Variants in DACH2 observed in about 807,000 individuals in gnomAD.
The protein encoded by DACH2 is dachshund homolog 2.
In DACH2, 17 loss-of-function variants were observed where a neutral mutation model predicts 35.8. That is an observed-to-expected ratio of 0.48 (90% CI 0.33 to 0.71). The LOEUF (loss-of-function observed/expected upper bound fraction) is 0.71. Among genes scored for constraint, DACH2 ranks in the 30% least tolerant of loss-of-function variants. DACH2 has a pLI of 0.02. For synonymous variants in DACH2, 195 were observed against 177.3 expected (o/e 1.10, Z -0.79); for missense variants, 469 against 472.7 (o/e 0.99, Z 0.07).
intron 2 of DACH2, among the ~76,000 whole-genome samples, chrX:86,491,763 A>G (rs2038096317): frequency 8.9e-6 from 1 of 111,832 alleles, no homozygotes; most frequent in Non-Finnish European, 1.9e-5. Flanking sequence ...GAATACTAAA[A>G]GCAGCAAAAC....
chrX:86,528,279 A>G (rs1043543803), intron 3 of DACH2, among the ~76,000 whole-genome samples: 1 of 112,163 alleles, frequency 8.9e-6, no homozygotes, highest in Non-Finnish European at 1.9e-5. Flanking sequence ...TGACTTTGTT[A>G]TAGTCACACA....
At chrX:86,562,900 A>T (rs781330403) in intron 3 of DACH2, among the ~76,000 whole-genome samples, 1 of 111,857 alleles carries the variant, frequency 8.9e-6, no homozygotes, top group Non-Finnish European at 1.9e-5. Context: ...TTACTTGGAA[A>T]CAGGTAGGTG....
chrX:86,680,146 C>G (rs1468695047), intron 4 of DACH2, among the ~76,000 whole-genome samples: 1 of 111,838 alleles, frequency 8.9e-6, no homozygotes, highest in Non-Finnish European at 1.9e-5. Context: ...TAAGATCAAT[C>G]TTTCTCCTCT....
intron 4 of DACH2, among the ~76,000 whole-genome samples, chrX:86,679,958 T>A (rs36009353): frequency 1.8e-5 from 2 of 110,520 alleles, no homozygotes; most frequent in Non-Finnish European, 3.8e-5. Flanking sequence ...GAATACCTAG[T>A]CTATTAGTGA....
chrX:86,543,267 A>C (rs1242864001), intron 3 of DACH2, among the ~76,000 whole-genome samples: 1 of 111,840 alleles, frequency 8.9e-6, no homozygotes, highest in Non-Finnish European at 1.9e-5. Flanking sequence ...TAGTCGACTG[A>C]ATCCACCTTA....
At chrX:86,607,751 C>G (rs868803406) in intron 3 of DACH2, among the ~76,000 whole-genome samples, 3 of 77,634 alleles carry the variant, frequency 3.9e-5, no homozygotes, top group Non-Finnish European at 7.2e-5. Context: ...CCCCTCCCCC[C>G]ACCCCACAAC....
intron 2 of DACH2, among the ~76,000 whole-genome samples, chrX:86,382,461 TACACACACACACACACACAC>T (rs55825336): frequency 1.1e-5 from 1 of 94,612 alleles, no homozygotes; most frequent in African/African-American, 4.0e-5. Context: ...GCTACATTCA[TACACACACACACACACACAC>T]ACACACACAC....
At chrX:86,492,427 A>G (rs936978181) in intron 2 of DACH2, among the ~76,000 whole-genome samples, 4 of 112,013 alleles carry the variant, frequency 3.6e-5, no homozygotes, top group African/African-American at 1.3e-4. Flanking sequence ...AAGTAAAAAT[A>G]CTTGAATATA....
intron 3 of DACH2, among the ~76,000 whole-genome samples, chrX:86,521,243 C>G (rs1602604485): frequency 9.0e-6 from 1 of 111,684 alleles, no homozygotes; most frequent in Admixed American, 9.5e-5. Context: ...TTCCTTCTGG[C>G]TTACAGGGTT....
At position 86,378,768 on chromosome X, in the gene DACH2, T is replaced by C. The variant is rs191345125; in HGVS notation, c.527+1906T>C. Reference sequence around the variant, plus strand: ...TTGCAAAAAGAATCACAGTTTGTTATAAATGCACCTGAAGCCTTTGATCAT... The same window carrying C: ...TTGCAAAAAGAATCACAGTTTGTTACAAATGCACCTGAAGCCTTTGATCAT... On this transcript the variant is annotated intron_variant, in intron 2 of 11. Coordinates refer to ENST00000373125, the MANE Select transcript of DACH2 (RefSeq NM_053281.3). 3.8e-3 allele frequency among the ~76,000 whole-genome samples: 423 copies of C among 110,969 alleles called. 1 individual carries two copies. The highest frequency in any genetic ancestry group is 0.013 in the African/African-American group (392 of 30,699).
At chrX:86,528,441 G>A (rs1477112002) in intron 3 of DACH2, among the ~76,000 whole-genome samples, 2 of 111,320 alleles carry the variant, frequency 1.8e-5, no homozygotes, top group African/African-American at 6.5e-5. Context: ...TTGGACTTAG[G>A]GTACTCTGGC....
chrX:86,195,487 G>A (rs1410889547), intron 1 of DACH2, among the ~76,000 whole-genome samples: 2 of 111,169 alleles, frequency 1.8e-5, no homozygotes, highest in African/African-American at 6.6e-5. Context: ...AGCAGGGGCT[G>A]CCTGCACCCC....
Position 86,412,677 on chromosome X carries a change from A to T in DACH2, c.527+35815A>T, listed in dbSNP as rs191349333. 2.7e-5 allele frequency among the ~76,000 whole-genome samples: 3 copies of T among 111,689 alleles called. No individual in the cohort carries two copies. In the East Asian group the frequency reaches 8.6e-4, roughly 32 times the overall value. On this transcript the variant is annotated intron_variant, in intron 2 of 11. Transcript: ENST00000373125. ...GTCCACGTATACTAGTCTTGGTAGA[A>T]GATGGCAGGGCCTTACTTCAAAATC...
rs185292512 is a variant in DACH2, at chrX:86,399,798, C to A, written c.527+22936C>A. Among the ~76,000 whole-genome samples, 637 of 111,719 alleles carry A rather than the reference C, an allele frequency of 5.7e-3. 1 individual carries two copies. The highest frequency in any genetic ancestry group is 6.3e-3 in the Non-Finnish European group (333 of 53,142). On this transcript the variant is annotated intron_variant, in intron 2 of 11. Transcript: ENST00000373125. ...TTTGTGGGTAACCAGACCTTTCTCTCTGGCTGCCCTTAACATTTTTTCCTT... is the reference window on the plus strand; with the variant it reads ...TTTGTGGGTAACCAGACCTTTCTCTATGGCTGCCCTTAACATTTTTTCCTT...
intron 3 of DACH2, among the ~76,000 whole-genome samples, chrX:86,650,194 CT>C (rs2040462069): frequency 9.0e-6 from 1 of 110,614 alleles, no homozygotes; most frequent in African/African-American, 3.3e-5. Flanking sequence ...CACACCCCAC[CT>C]TTTTATACCA....
At chrX:86,452,314 G>A (rs1437247146) in intron 2 of DACH2, among the ~76,000 whole-genome samples, 4 of 111,492 alleles carry the variant, frequency 3.6e-5, no homozygotes. Flanking sequence ...GCCAGGTTTT[G>A]GTATCAAGAT....
At chrX:86,600,385 G>C (rs540236840) in intron 3 of DACH2, among the ~76,000 whole-genome samples, 3 of 111,785 alleles carry the variant, frequency 2.7e-5, no homozygotes, top group African/African-American at 9.8e-5. Flanking sequence ...TATATTTTGA[G>C]TATTATACCA....
At chrX:86,325,346 G>A (rs1388565630) in intron 1 of DACH2, among the ~76,000 whole-genome samples, 1 of 111,370 alleles carries the variant, frequency 9.0e-6, no homozygotes, top group African/African-American at 3.3e-5. Context: ...AAGTGAAAGA[G>A]AGATGGAATG....
chrX:86,175,694 T>C, intron 1 of DACH2, among the ~76,000 whole-genome samples: 1 of 111,469 alleles, frequency 9.0e-6, no homozygotes, highest in South Asian at 3.8e-4. Context: ...CAAGTAGAAG[T>C]ATCTTCCTTT....
Sources: allele counts gnomAD v4.1 joint callset (sites outside exome capture counted in the v4.1 genomes callset), GRCh38; gene constraint gnomAD v4.1.1; transcripts MANE v1.5; gene names NCBI Gene and HGNC (gene_info 2026-07-23, HGNC 2026-07-21).